The following DDR2 variants were observed in gnomAD, a reference collection of about 807,000 sequenced individuals.
The protein encoded by DDR2 is discoidin domain receptor tyrosine kinase 2.
A neutral mutation model predicts 94.9 loss-of-function variants in DDR2; 27 were observed. The observed-to-expected ratio is 0.28, with a 90% CI of 0.21 to 0.39. The LOEUF is 0.39. Among genes scored for constraint, DDR2 ranks in the 10% least tolerant of loss-of-function variants. The pLI is 1.00. For missense variants in DDR2, 783 were observed against 1,076.0 expected, an observed-to-expected ratio of 0.73 and a Z score of 3.81; for synonymous variants, 382 against 377.2, an observed-to-expected ratio of 1.01 and a Z score of -0.15.
chr1:162,681,932 A>G (rs1378778853), intron 2 of DDR2, among the ~76,000 whole-genome samples: 1 of 152,174 alleles, frequency 6.6e-6, no homozygotes, highest in Non-Finnish European at 1.5e-5. Context: ...GCTCTGATTC[A>G]TTGTATAATC....
intron 11 of DDR2, among the ~76,000 whole-genome samples, chr1:162,768,320 A>C (rs1269959393): frequency 6.6e-6 from 1 of 152,162 alleles, no homozygotes; most frequent in East Asian, 1.9e-4. Context: ...CTGACGACTA[A>C]GTGTTTCTGC....
rs765660823 is a variant in DDR2 at position 162,778,720 on chromosome 1, A to G, written c.2424A>G (p.Gln808=). 1 of 1,613,846 alleles carries G rather than the reference A, an allele frequency of 6.2e-7. No individual in the cohort carries two copies. Among genetic ancestry groups the G allele is most frequent in the Non-Finnish European group, 8.5e-7 (1 of 1,179,824 alleles). The change falls in exon 17 of 18, where the codon CAA becomes CAG. Residue 808 remains glutamine (Q), a synonymous_variant. Transcript: ENST00000367921. ...ATACTGGAGAGTTCTTCCGAGACCA[A>G]GGGAGGCAGGTAAGAACTGTTGGGG... ...IENTGEFFRD[Q]GRQTYLPQPA... is the part of the protein sequence containing the mutation.
At chr1:162,643,806 A>G (rs1382452836) in intron 1 of DDR2, among the ~76,000 whole-genome samples, 4 of 152,202 alleles carry the variant, frequency 2.6e-5, no homozygotes, top group African/African-American at 7.2e-5. Context: ...CTAACTTACA[A>G]TGTACTCGAA....
chr1:162,669,284 G>A (rs980275820), intron 2 of DDR2, among the ~76,000 whole-genome samples: 7 of 152,024 alleles, frequency 4.6e-5, no homozygotes, highest in Admixed American at 2.6e-4. Flanking sequence ...TTCACCAACC[G>A]GGGAAAAACG....
intron 2 of DDR2, among the ~76,000 whole-genome samples, chr1:162,698,772 G>A (rs911004304): frequency 1.3e-5 from 2 of 152,162 alleles, no homozygotes. Context: ...CTTGAACTAT[G>A]CAGCAGTCTG....
At chr1:162,766,212 T>A in intron 10 of DDR2, 149 bp downstream of exon 10, 1 of 778,510 alleles carries the variant, frequency 1.3e-6, no homozygotes, top group Non-Finnish European at 2.2e-6. Flanking sequence ...TAGGACTGTC[T>A]ACCTCCAAGT....
intron 3 of DDR2, among the ~76,000 whole-genome samples, chr1:162,743,825 A>G (rs1284575604): frequency 1.3e-5 from 2 of 152,192 alleles, no homozygotes; most frequent in African/African-American, 4.8e-5. Flanking sequence ...GACCACATCC[A>G]TCACTACCAA....
rs144389142 is a variant in DDR2 at position 162,747,356 on chromosome 1, G to A, written c.83-5739G>A. The stretch of plus-strand genomic sequence containing the variant: ...CTGGTGGAGCTGAAAACCATGGCAC[G>A]AGAACTACGTGATGCATGCACAAGC... On this transcript the variant is annotated intron_variant, in intron 3 of 17. Coordinates refer to ENST00000367921, the MANE Select transcript of DDR2 (RefSeq NM_006182.4). Among the ~76,000 whole-genome samples, 1,447 of 152,242 alleles carry A rather than the reference G, an allele frequency of 9.5e-3. 22 individuals carry two copies. The highest frequency in any genetic ancestry group is 0.033 in the African/African-American group (1,378 of 41,530).
chr1:162,680,086 G>A (rs535408313), intron 2 of DDR2, among the ~76,000 whole-genome samples: 159 of 152,164 alleles, frequency 1.0e-3, no homozygotes, highest in Non-Finnish European at 1.9e-3. Context: ...CTCCCATTCT[G>A]TAGGTTATTT....
chr1:162,721,958 C>CT (rs1463894587), intron 3 of DDR2, among the ~76,000 whole-genome samples: 1 of 152,156 alleles, frequency 6.6e-6, no homozygotes, highest in Admixed American at 6.5e-5. Context: ...CTTACAATGA[C>CT]TATTGGTCAA....
intron 2 of DDR2, among the ~76,000 whole-genome samples, chr1:162,689,430 A>G (rs1240306580): frequency 6.6e-6 from 1 of 152,128 alleles, no homozygotes; most frequent in Non-Finnish European, 1.5e-5. Flanking sequence ...TGGAGAAATT[A>G]AGGTTTCAAC....
intron 2 of DDR2, 45 bp from the exon 3 acceptor site, chr1:162,718,992 C>G: frequency 2.5e-6 from 4 of 1,578,440 alleles, no homozygotes; most frequent in Non-Finnish European, 3.5e-6. Flanking sequence ...TCACTCATTT[C>G]CTCTCCTTCT....
intron 2 of DDR2, among the ~76,000 whole-genome samples, chr1:162,700,932 T>G (rs1047600198): frequency 6.6e-6 from 1 of 152,298 alleles, no homozygotes; most frequent in Admixed American, 6.5e-5. Flanking sequence ...CTTCTACATG[T>G]GTTGTGGTGA....
intron 3 of DDR2, among the ~76,000 whole-genome samples, chr1:162,741,181 A>ATATAT (rs1662569660): frequency 7.1e-6 from 1 of 140,964 alleles, no homozygotes; most frequent in African/African-American, 2.7e-5. Context: ...ATATAATATA[A>ATATAT]TATAACATAA....
intron 1 of DDR2, among the ~76,000 whole-genome samples, chr1:162,639,434 A>G (rs1010252350): frequency 2.0e-5 from 3 of 152,380 alleles, no homozygotes; most frequent in Non-Finnish European, 2.9e-5. Context: ...GGACATCCAC[A>G]TGCAAAAATA....
At chr1:162,653,615 G>A (rs1657810835) in intron 1 of DDR2, among the ~76,000 whole-genome samples, 1 of 151,890 alleles carries the variant, frequency 6.6e-6, no homozygotes, top group Admixed American at 6.6e-5. Flanking sequence ...GGGACATTTG[G>A]GTCCTATTTT....
chr1:162,679,556 TGG>T (rs908127478), intron 2 of DDR2, among the ~76,000 whole-genome samples: 2 of 152,250 alleles, frequency 1.3e-5, no homozygotes, highest in African/African-American at 4.8e-5. Flanking sequence ...CTACCATTAA[TGG>T]GCATTTAGTT....
At chr1:162,760,806 T>C (rs1267457903) in intron 8 of DDR2, among the ~76,000 whole-genome samples, 2 of 151,992 alleles carry the variant, frequency 1.3e-5, no homozygotes, top group African/African-American at 2.4e-5. Flanking sequence ...AAATGAGGAC[T>C]GCACCAGCAT....
chr1:162,684,812 AACACAC>A (rs56958157), intron 2 of DDR2, among the ~76,000 whole-genome samples: 11,045 of 137,960 alleles, frequency 0.08, 573 homozygotes, highest in African/African-American at 0.15. Context: ...CACACCCACC[AACACAC>A]ACACACACAC....
Sources: allele counts gnomAD v4.1 joint callset (sites outside exome capture counted in the v4.1 genomes callset), GRCh38; gene constraint gnomAD v4.1.1; transcripts MANE v1.5; gene names NCBI Gene and HGNC (gene_info 2026-07-23, HGNC 2026-07-21).